The following DDR2 variants were observed in gnomAD, a reference collection of about 807,000 sequenced individuals.
The protein encoded by DDR2 is discoidin domain receptor tyrosine kinase 2.
A neutral mutation model predicts 94.9 loss-of-function variants in DDR2; 27 were observed. The ratio of observed to expected loss-of-function variants is 0.28; its 90% CI spans 0.21 to 0.39. DDR2 has a LOEUF of 0.39. DDR2 is among the 10% of genes least tolerant of loss of function. DDR2 has a pLI of 1.00. For missense variants in DDR2, 783 were observed against 1,076.0 expected, an observed-to-expected ratio of 0.73 and a Z score of 3.81; for synonymous variants, 382 against 377.2, an observed-to-expected ratio of 1.01 and a Z score of -0.15.
Position 162,782,821 on chromosome 1 carries a change from G to C in DDR2, c.*2575G>C, listed in dbSNP as rs1647977561. 1 of 152,046 alleles carries C rather than the reference G, an allele frequency of 6.6e-6. No individual in the cohort carries two copies. The highest frequency in any genetic ancestry group is 2.4e-5 in the African/African-American group (1 of 41,382). The allele number at this position is 152,046 out of a possible 1,614,324, so 9.4% of individuals were successfully genotyped here. ...TGGCCTTGAGTCACAGAAGTAATAT[G>C]TTTCAGATGGCTGCCCAATATGTAT... is the stretch of plus-strand genomic sequence containing the variant. On this transcript the variant is annotated 3_prime_UTR_variant, in exon 18 of 18. Transcript: ENST00000367921.
chr1:162,688,141 C>A lies in DDR2; in HGVS notation c.-27-30896C>A, dbSNP rs561724515. Among the ~76,000 whole-genome samples the A allele has an allele frequency of 1.6e-4, 24 of 152,296 alleles. No homozygotes were observed. In the South Asian group the frequency reaches 4.8e-3, roughly 30 times the overall value. On this transcript the variant is annotated intron_variant, in intron 2 of 17. Transcript: ENST00000367921. The stretch of plus-strand genomic sequence containing the variant: ...TAAGTGGCTTCTACCAATGGGAATA[C>A]GTGAGCGTGCATTAAGAATGTAGCA...
At chr1:162,646,385 G>A (rs566126792) in intron 1 of DDR2, among the ~76,000 whole-genome samples, 1 of 152,208 alleles carries the variant, frequency 6.6e-6, no homozygotes, top group East Asian at 1.9e-4. Context: ...GAGGACTTCT[G>A]AGTAATGAGT....
At chr1:162,663,212 G>A (rs1422262588) in intron 2 of DDR2, among the ~76,000 whole-genome samples, 1 of 152,156 alleles carries the variant, frequency 6.6e-6, no homozygotes, top group Non-Finnish European at 1.5e-5. Flanking sequence ...ATAGATTGGG[G>A]AGAAGAGAGT....
At position 162,684,866 on chromosome 1, in the gene DDR2, G is replaced by A. The variant is rs1571195313; in HGVS notation, c.-28+29492G>A. Among the ~76,000 whole-genome samples, 3 of 143,202 alleles carry A rather than the reference G, an allele frequency of 2.1e-5. No individual in the cohort carries two copies. The South Asian group carries it at 6.7e-4, about 32-fold the overall frequency. 93.9% of individuals were successfully genotyped at this position (143,202 alleles called of 152,430 possible). ...ACACACACACACACATACATGAATAGCACCCTTAGCACCATTGCTACCTTA... is the reference window on the plus strand; with the variant it reads ...ACACACACACACACATACATGAATAACACCCTTAGCACCATTGCTACCTTA... On this transcript the variant is annotated intron_variant, in intron 2 of 17. Coordinates refer to ENST00000367921, the MANE Select transcript of DDR2 (RefSeq NM_006182.4).
In DDR2 at chr1:162,667,190, G is replaced by A. The variant is rs189361204; in HGVS notation, c.-28+11816G>A. On this transcript the variant is annotated intron_variant, in intron 2 of 17. Coordinates refer to ENST00000367921, the MANE Select transcript of DDR2 (RefSeq NM_006182.4). ...TTGTGATTACAAACAATAATGCAAG[G>A]GTCTTCCTTGTACATCTATATCTGT... 2.0e-5 allele frequency among the ~76,000 whole-genome samples: 3 copies of A among 152,110 alleles called. No homozygotes were observed. The East Asian group carries it at 5.8e-4, about 29-fold the overall frequency.
In DDR2 at chr1:162,757,581, GGAA is replaced by G. The variant is rs141790518; in HGVS notation, c.671+1815_671+1817del. ...AAAAGGAGCAAGAAGTGGAGGAGGA[GGAA>G]GAGGAGAAATTGCTGTTCTTATTCT... On this transcript the variant is annotated intron_variant, in intron 7 of 17. Coordinates refer to ENST00000367921, the MANE Select transcript of DDR2 (RefSeq NM_006182.4). Among the ~76,000 whole-genome samples, 3 of 152,214 alleles carry G rather than the reference GGAA, an allele frequency of 2.0e-5. No individual in the cohort carries two copies. In the East Asian group the frequency reaches 5.8e-4, roughly 29 times the overall value.
At position 162,780,401 on chromosome 1, in the gene DDR2, T is replaced by G; in HGVS notation, c.*155T>G. The G allele has an allele frequency of 3.1e-6, 3 of 961,588 alleles. No homozygotes were observed. Among genetic ancestry groups the G allele is most frequent in the Non-Finnish European group, 4.6e-6 (3 of 655,968 alleles). The allele number at this position is 961,588 out of a possible 1,614,324, so 59.6% of individuals were successfully genotyped here. ...TCTTTTCCTGGTCACCCCCACTCCC[T>G]ACCCCTGACTCATATACACTTTTTT... On this transcript the variant is annotated 3_prime_UTR_variant, in exon 18 of 18. Coordinates refer to ENST00000367921, the MANE Select transcript of DDR2 (RefSeq NM_006182.4).
chr1:162,755,550 CAG>C, intron 6 of DDR2, 112 bp from the exon 7 acceptor site: 1 of 1,131,694 alleles, frequency 8.8e-7, no homozygotes, highest in Non-Finnish European at 1.3e-6. Context: ...CCTCGGTGTC[CAG>C]ATGGAGTCCT....
intron 10 of DDR2, among the ~76,000 whole-genome samples, chr1:162,766,958 G>T (rs574977466): frequency 6.6e-6 from 1 of 151,960 alleles, no homozygotes; most frequent in Non-Finnish European, 1.5e-5. Context: ...GAACCTGGGA[G>T]GGGGAGGTTT....
intron 13 of DDR2, among the ~76,000 whole-genome samples, chr1:162,773,141 A>G (rs532682858): frequency 6.6e-6 from 1 of 152,362 alleles, no homozygotes; most frequent in African/African-American, 2.4e-5. Context: ...TGACTAATGA[A>G]TCGAAGTTCA....
intron 12 of DDR2, 121 bp from the exon 13 acceptor site, chr1:162,771,903 T>G: frequency 9.9e-7 from 1 of 1,007,008 alleles, no homozygotes; most frequent in Non-Finnish European, 1.5e-6. Flanking sequence ...CAAGTAAGAA[T>G]GTCATGAAGC....
At chr1:162,638,784 G>A (rs557903854) in intron 1 of DDR2, among the ~76,000 whole-genome samples, 27 of 152,276 alleles carry the variant, frequency 1.8e-4, no homozygotes, top group Admixed American at 1.6e-3. Context: ...CTCAAGAATA[G>A]CAATCTGTTC....
chr1:162,652,613 G>A (rs955448909), intron 1 of DDR2, among the ~76,000 whole-genome samples: 1 of 152,224 alleles, frequency 6.6e-6, no homozygotes, highest in Non-Finnish European at 1.5e-5. Flanking sequence ...ACAATAAGGA[G>A]AGAGGACTTA....
chr1:162,727,268 A>AG (rs1277203651), intron 3 of DDR2, among the ~76,000 whole-genome samples: 60 of 52,090 alleles, frequency 1.2e-3, no homozygotes, highest in Non-Finnish European at 2.4e-3. Context: ...TTGTAAATAT[A>AG]AATATAAATA....
At position 162,770,434 on chromosome 1, in the gene DDR2, C is replaced by A. The variant is rs1457802128; in HGVS notation, c.1426C>A (p.Pro476Thr). ...CAACTCGACTTACGATCGCATCTTTCCCCTTCGCCCTGACTACCAGGAGCC... is the reference window on the plus strand; with the variant it reads ...CAACTCGACTTACGATCGCATCTTTACCCTTCGCCCTGACTACCAGGAGCC... ...GSNSTYDRIF[P>T]LRPDYQEPSR... Residue 476 changes from proline to threonine, a missense_variant, in exon 12 of 18, where the codon CCC becomes ACC. Pro to Thr is a conservative substitution (Grantham distance 38). This residue lies in a region of DDR2 where 519 missense variants were observed against 647.9 expected (regional missense o/e 0.80). Transcript: ENST00000367921. 3 of 1,614,134 alleles carry A rather than the reference C, an allele frequency of 1.9e-6. No homozygotes were observed. Among genetic ancestry groups the A allele is most frequent in the Non-Finnish European group, 2.5e-6 (3 of 1,180,032 alleles).
intron 3 of DDR2, among the ~76,000 whole-genome samples, chr1:162,736,720 G>A (rs558233155): frequency 6.6e-6 from 1 of 152,328 alleles, no homozygotes; most frequent in East Asian, 1.9e-4. Context: ...ATTTGCTTGC[G>A]AAGTGCATCC....
intron 1 of DDR2, among the ~76,000 whole-genome samples, chr1:162,644,309 A>G (rs756991844): frequency 6.6e-6 from 1 of 152,218 alleles, no homozygotes; most frequent in Non-Finnish European, 1.5e-5. Context: ...CCAGCCCTCC[A>G]TAGGAACATA....
chr1:162,667,821 T>A (rs1251210279), intron 2 of DDR2, among the ~76,000 whole-genome samples: 1 of 152,224 alleles, frequency 6.6e-6, no homozygotes. Context: ...CCAGTCAGCA[T>A]CTGGTTAGGC....
chr1:162,780,217 C>T lies in DDR2; in HGVS notation c.2539C>T (p.Leu847Phe). 1 of 1,613,934 alleles carries T rather than the reference C, an allele frequency of 6.2e-7. No homozygotes were observed. The highest frequency in any genetic ancestry group is 8.5e-7 in the Non-Finnish European group (1 of 1,179,916). ...KNRPSFQEIH[L>F]LLLQQGDE ...CCGTCCCTCATTCCAAGAAATCCAC[C>T]TTCTGCTCCTTCAACAAGGCGACGA... is the stretch of plus-strand genomic sequence containing the variant. Residue 847 changes from leucine to phenylalanine, a missense_variant, in exon 18 of 18, where the codon CTT (leucine) becomes TTT (phenylalanine). This residue lies in a region of DDR2 where 264 missense variants were observed against 428.2 expected (regional missense o/e 0.62). Transcript: ENST00000367921.
Sources: allele counts gnomAD v4.1 joint callset (sites outside exome capture counted in the v4.1 genomes callset), GRCh38; gene constraint gnomAD v4.1.1; regional missense constraint gnomAD v4.1.1; transcripts MANE v1.5; gene names NCBI Gene and HGNC (gene_info 2026-07-23, HGNC 2026-07-21).